ACCSL: variants seen among roughly 807,000 people sequenced by gnomAD.
ACCSL encodes the protein 1-aminocyclopropane-1-carboxylate synthase homolog (inactive) like.
ACCSL carries 55 observed loss-of-function variants against 61.7 expected under a neutral mutation model. That is an observed-to-expected ratio of 0.89 (90% CI 0.72 to 1.12). ACCSL has a LOEUF of 1.12. ACCSL is among the 50% of genes most tolerant of loss of function. The probability of loss-of-function intolerance (pLI) is 0.00; values close to 1 mark genes in which losing one functional copy is unlikely to be tolerated. For missense variants in ACCSL, 632 were observed against 698.0 expected (o/e 0.91, Z 1.07); for synonymous variants, 258 against 264.3 (o/e 0.98, Z 0.23).
chr11:43,956,818 C>T, the ACCSL span, among the ~76,000 whole-genome samples: 1,064 of 152,240 alleles, frequency 7.0e-3, 8 homozygotes, highest in African/African-American at 0.024. Context: ...GAGGGCATGC[C>T]TGGGAAAAAT....
chr11:43,938,423 G>C, the ACCSL span, among the ~76,000 whole-genome samples: 1 of 152,190 alleles, frequency 6.6e-6, no homozygotes, highest in African/African-American at 2.4e-5. Flanking sequence ...TCTTTAGTCA[G>C]TTCCTTGAGC....
the ACCSL span, among the ~76,000 whole-genome samples, chr11:44,017,809 T>C: frequency 6.8e-6 from 1 of 146,664 alleles, no homozygotes; most frequent in Non-Finnish European, 1.5e-5. Context: ...TGATCCATGT[T>C]ATGATGACTG....
At chr11:43,928,808 G>A in the ACCSL span, among the ~76,000 whole-genome samples, 1 of 152,246 alleles carries the variant, frequency 6.6e-6, no homozygotes, top group African/African-American at 2.4e-5. Context: ...GAGTTAGGGA[G>A]GCTGGGAAAA....
the ACCSL span, chr11:43,933,240 A>G: frequency 2.2e-6 from 1 of 453,406 alleles, no homozygotes; most frequent in Non-Finnish European, 4.4e-6. Context: ...CTACAAGCCC[A>G]GTCTCTATGC....
At chr11:43,990,621 T>G in the ACCSL span, among the ~76,000 whole-genome samples, 1 of 152,184 alleles carries the variant, frequency 6.6e-6, no homozygotes, top group Non-Finnish European at 1.5e-5. Flanking sequence ...TAGCAACTGC[T>G]CAATTAATGC....
At chr11:43,946,132 G>T in the ACCSL span, among the ~76,000 whole-genome samples, 3 of 152,262 alleles carry the variant, frequency 2.0e-5, no homozygotes, top group South Asian at 6.2e-4. Context: ...TGTCACCCAG[G>T]CTGGAGTGCA....
the ACCSL span, among the ~76,000 whole-genome samples, chr11:43,938,310 C>G: frequency 6.6e-6 from 1 of 152,348 alleles, no homozygotes; most frequent in African/African-American, 2.4e-5. Flanking sequence ...AGAGTCTACC[C>G]TCCTTAGATG....
At chr11:44,059,779 G>A (rs1182837132) in intron 13 of ACCSL, 59 bp from the exon 14 acceptor site, 3 of 1,490,718 alleles carry the variant, frequency 2.0e-6, no homozygotes, top group Non-Finnish European at 2.8e-6. Context: ...GTATGTCTGG[G>A]ACCCACCAGC....
the ACCSL span, among the ~76,000 whole-genome samples, chr11:43,986,012 T>A: frequency 6.6e-6 from 1 of 151,356 alleles, no homozygotes; most frequent in Non-Finnish European, 1.5e-5. Context: ...AATAAAGGCA[T>A]CTCCAACTGA....
upstream of ACCSL, among the ~76,000 whole-genome samples, chr11:44,045,595 G>C (rs182230545): frequency 2.3e-4 from 35 of 152,216 alleles, no homozygotes; most frequent in African/African-American, 8.2e-4. Context: ...TCCTCCATTT[G>C]CCTACTAGGC....
chr11:44,003,112 C>T, the ACCSL span, among the ~76,000 whole-genome samples: 1 of 152,086 alleles, frequency 6.6e-6, no homozygotes, highest in East Asian at 1.9e-4. Flanking sequence ...TTATATTTTG[C>T]AGAAAAGTAA....
the ACCSL span, among the ~76,000 whole-genome samples, chr11:44,032,541 G>A: frequency 1.3e-5 from 2 of 152,282 alleles, no homozygotes; most frequent in African/African-American, 2.4e-5. Flanking sequence ...GCCTCAATGC[G>A]CCCAATAACC....
At chr11:43,939,076 G>A in the ACCSL span, among the ~76,000 whole-genome samples, 1 of 152,122 alleles carries the variant, frequency 6.6e-6, no homozygotes, top group African/African-American at 2.4e-5. Context: ...CTTGCAAACT[G>A]GCCAATCTCT....
At chr11:43,931,922 G>C in the ACCSL span, among the ~76,000 whole-genome samples, 45 of 149,782 alleles carry the variant, frequency 3.0e-4, no homozygotes, top group Middle Eastern at 0.01. Flanking sequence ...AAAGTGCAGA[G>C]CCCAGTGCAG....
chr11:43,928,298 T>C, the ACCSL span, among the ~76,000 whole-genome samples: 1 of 151,994 alleles, frequency 6.6e-6, no homozygotes, highest in Non-Finnish European at 1.5e-5. Context: ...CCTCTAGGAA[T>C]GGTGAAAAGA....
At chr11:43,939,840 C>T in the ACCSL span, among the ~76,000 whole-genome samples, 1 of 152,186 alleles carries the variant, frequency 6.6e-6, no homozygotes, top group African/African-American at 2.4e-5. Flanking sequence ...CTCCTGACCT[C>T]AAGTGATCCA....
intron 11 of ACCSL, among the ~76,000 whole-genome samples, chr11:44,057,226 C>T (rs1391133258): frequency 6.6e-6 from 1 of 152,202 alleles, no homozygotes; most frequent in Non-Finnish European, 1.5e-5. Flanking sequence ...CTTAGAGACT[C>T]ACTTTCTTTA....
chr11:44,042,635 T>G, the ACCSL span, among the ~76,000 whole-genome samples: 105,332 of 144,498 alleles, frequency 0.73, 36,932 homozygotes, highest in Admixed American at 0.76. Flanking sequence ...TGTTTTTTTT[T>G]TGTTTGTTTT....
At chr11:43,984,537 G>T in the ACCSL span, among the ~76,000 whole-genome samples, 1 of 152,200 alleles carries the variant, frequency 6.6e-6, no homozygotes, top group East Asian at 1.9e-4. Flanking sequence ...GCTTGACAAT[G>T]ACCTAGCCGG....
Sources: allele counts gnomAD v4.1 joint callset (sites outside exome capture counted in the v4.1 genomes callset), GRCh38; gene constraint gnomAD v4.1.1; transcripts MANE v1.5; gene names NCBI Gene and HGNC (gene_info 2026-07-23, HGNC 2026-07-21).